The following ATP6V1A variants were observed in gnomAD, a reference collection of about 807,000 sequenced individuals.
The protein encoded by ATP6V1A is ATPase H+ transporting V1 subunit A.
In ATP6V1A, 18 loss-of-function variants were observed where a neutral mutation model predicts 70.1. The observed-to-expected ratio is 0.26, with a 90% CI of 0.18 to 0.38. The LOEUF (loss-of-function observed/expected upper bound fraction) is 0.38, where lower values mean the gene tolerates loss of function less well. ATP6V1A is among the 10% of genes least tolerant of loss of function. The pLI is 1.00. For missense variants in ATP6V1A, 424 were observed against 772.4 expected (o/e 0.55, Z 5.35); for synonymous variants, 232 against 253.8 (o/e 0.91, Z 0.82).
intron 1 of ATP6V1A, among the ~76,000 whole-genome samples, chr3:113,759,761 G>A (rs150615842): frequency 9.9e-5 from 15 of 152,236 alleles, no homozygotes; most frequent in African/African-American, 3.6e-4. Flanking sequence ...CTTTGAAAGG[G>A]TTTTATCAGT....
intron 1 of ATP6V1A, among the ~76,000 whole-genome samples, chr3:113,774,996 T>A (rs1559753525): frequency 6.6e-6 from 1 of 152,088 alleles, no homozygotes; most frequent in Non-Finnish European, 1.5e-5. Context: ...AAGATTATAC[T>A]TTGAGGGACA....
chr3:113,770,449 G>A (rs1267690627), intron 1 of ATP6V1A, among the ~76,000 whole-genome samples: 2 of 152,124 alleles, frequency 1.3e-5, no homozygotes, highest in Admixed American at 1.3e-4. Context: ...AGGCCAAGGC[G>A]GGTGGATCTC....
intron 3 of ATP6V1A, among the ~76,000 whole-genome samples, chr3:113,783,752 T>G (rs1186656314): frequency 6.6e-6 from 1 of 152,232 alleles, no homozygotes; most frequent in Non-Finnish European, 1.5e-5. Context: ...TTGTCAATGA[T>G]GTCATATCTT....
intron 1 of ATP6V1A, among the ~76,000 whole-genome samples, chr3:113,750,833 G>A (rs1296590072): frequency 6.6e-6 from 1 of 152,178 alleles, no homozygotes; most frequent in Non-Finnish European, 1.5e-5. Context: ...CCTGTGAGCA[G>A]CAGGTTTGGG....
intron 8 of ATP6V1A, among the ~76,000 whole-genome samples, chr3:113,791,212 T>A (rs929565427): frequency 6.6e-6 from 1 of 152,142 alleles, no homozygotes; most frequent in Non-Finnish European, 1.5e-5. Context: ...CATCATTTCC[T>A]CTCTACTCCT....
chr3:113,799,275 T>C (rs1339512764), intron 12 of ATP6V1A, among the ~76,000 whole-genome samples: 1 of 152,192 alleles, frequency 6.6e-6, no homozygotes, highest in Non-Finnish European at 1.5e-5. Flanking sequence ...ATCTCAGGAA[T>C]GTCCATATTA....
intron 8 of ATP6V1A, among the ~76,000 whole-genome samples, chr3:113,792,548 A>C (rs1357251416): frequency 6.6e-6 from 1 of 152,196 alleles, no homozygotes; most frequent in Non-Finnish European, 1.5e-5. Flanking sequence ...TATGTTGCCC[A>C]GGATGGGCAA....
At position 113,809,340 on chromosome 3, in the gene ATP6V1A, A is replaced by G. The variant is rs753548559; in HGVS notation, c.1767A>G (p.Pro589=). Residue 589 remains proline, a synonymous_variant, in exon 15 of 15, where the codon CCA becomes CCG. Transcript: ENST00000273398. ...TTTGTAATGTCTTCTTTCAGGATCC[A>G]CTGAAAGATGGTGAGGCAAAGATCA... ...YKLSSMKFKD[P]LKDGEAKIKS... is the part of the protein sequence containing the mutation. The G allele has an allele frequency of 1.9e-6, 3 of 1,611,214 alleles. No homozygotes were observed. In the Admixed American group the frequency reaches 5.0e-5, roughly 27 times the overall value.
intron 1 of ATP6V1A, among the ~76,000 whole-genome samples, chr3:113,775,312 C>A (rs1300135386): frequency 2.6e-5 from 4 of 151,006 alleles, no homozygotes; most frequent in Non-Finnish European, 5.9e-5. Context: ...TCACTGCAAC[C>A]TCCTCCTCCC....
chr3:113,763,454 A>G (rs1259669007), intron 1 of ATP6V1A, among the ~76,000 whole-genome samples: 2 of 152,202 alleles, frequency 1.3e-5, no homozygotes, highest in Non-Finnish European at 2.9e-5. Flanking sequence ...GATCCAAAGT[A>G]TTAGGTAATA....
chr3:113,808,988 G>A (rs549031171), intron 14 of ATP6V1A, among the ~76,000 whole-genome samples: 32 of 151,996 alleles, frequency 2.1e-4, no homozygotes, highest in Non-Finnish European at 4.1e-4. Flanking sequence ...AGTGGCTCAC[G>A]CCTGTAATCC....
intron 1 of ATP6V1A, among the ~76,000 whole-genome samples, chr3:113,767,699 T>C (rs1246420091): frequency 6.6e-6 from 1 of 152,146 alleles, no homozygotes; most frequent in African/African-American, 2.4e-5. Context: ...TCGCCCAGGC[T>C]GGAGTGCAGT....
At chr3:113,794,572 A>C (rs1435692892) in intron 8 of ATP6V1A, among the ~76,000 whole-genome samples, 3 of 152,148 alleles carry the variant, frequency 2.0e-5, no homozygotes, top group Non-Finnish European at 4.4e-5. Flanking sequence ...AGTTCTTTCC[A>C]TTTCAGTAGG....
chr3:113,782,362 A>T (rs1355878495), intron 3 of ATP6V1A, among the ~76,000 whole-genome samples: 2 of 151,840 alleles, frequency 1.3e-5, no homozygotes, highest in African/African-American at 2.4e-5. Context: ...AAACAGTGAC[A>T]ACCCTCCTTG....
At chr3:113,755,373 G>GAT (rs1391125753) in intron 1 of ATP6V1A, among the ~76,000 whole-genome samples, 1 of 150,502 alleles carries the variant, frequency 6.6e-6, no homozygotes, top group Admixed American at 6.7e-5. Flanking sequence ...GGAGGCCGAT[G>GAT]CAGGCGGATT....
intron 1 of ATP6V1A, among the ~76,000 whole-genome samples, chr3:113,773,737 C>A (rs1474111690): frequency 1.3e-5 from 2 of 152,136 alleles, no homozygotes; most frequent in Non-Finnish European, 2.9e-5. Context: ...TACTCTGATG[C>A]CTCTTTGTTC....
chr3:113,762,600 C>T (rs1414371210), intron 1 of ATP6V1A, among the ~76,000 whole-genome samples: 1 of 151,964 alleles, frequency 6.6e-6, no homozygotes, highest in Non-Finnish European at 1.5e-5. Context: ...ATTTCATAGG[C>T]AGTTTATCTG....
chr3:113,779,484 T>C (rs1337112664), intron 2 of ATP6V1A, among the ~76,000 whole-genome samples: 1 of 152,218 alleles, frequency 6.6e-6, no homozygotes, highest in Non-Finnish European at 1.5e-5. Context: ...AAGTAAAACC[T>C]GGTCAGTGAT....
At chr3:113,761,966 A>G (rs1708709473) in intron 1 of ATP6V1A, among the ~76,000 whole-genome samples, 1 of 120,752 alleles carries the variant, frequency 8.3e-6, no homozygotes, top group South Asian at 2.5e-4. Flanking sequence ...CAGCCTGACC[A>G]ACATGTAGAA....
Sources: gnomAD v4.1 joint callset for allele counts (sites outside exome capture counted in the v4.1 genomes callset) on GRCh38, gnomAD v4.1.1 for gene constraint, MANE v1.5 for transcripts, NCBI Gene and HGNC (gene_info 2026-07-23, HGNC 2026-07-21) for gene names.